GABBR2: variants seen among roughly 807,000 people sequenced by gnomAD.
The protein encoded by GABBR2 is gamma-aminobutyric acid type B receptor subunit 2.
A neutral mutation model predicts 105.6 loss-of-function variants in GABBR2; 23 were observed. The observed-to-expected ratio is 0.22, with a 90% confidence interval of 0.16 to 0.31. The LOEUF (loss-of-function observed/expected upper bound fraction) is 0.31. Among genes scored for constraint, GABBR2 ranks in the 10% least tolerant of loss-of-function variants. The pLI is 1.00. For missense variants in GABBR2, 734 were observed against 1,245.5 expected (o/e 0.59, Z 6.18); for synonymous variants, 478 against 499.7 (o/e 0.96, Z 0.58).
At position 98,461,710 on chromosome 9, in the gene GABBR2, TAAAG is replaced by T. The variant is rs1186276055; in HGVS notation, c.1000-7497_1000-7494del. 2.0e-5 allele frequency among the ~76,000 whole-genome samples: 3 copies of T among 152,286 alleles called. No individual in the cohort carries two copies. In the East Asian group the frequency reaches 5.8e-4, roughly 29 times the overall value. ...GAAATACCTGAGACTAGATAATTTA[TAAAG>T]AAAGGAGGCTTAATTGGCTCATGAT... On this transcript the variant is annotated intron_variant, in intron 6 of 18. Transcript: ENST00000259455.
At chr9:98,492,660 T>C (rs1247090591) in intron 4 of GABBR2, among the ~76,000 whole-genome samples, 1 of 152,174 alleles carries the variant, frequency 6.6e-6, no homozygotes, top group Non-Finnish European at 1.5e-5. Flanking sequence ...GCTTTCTCTA[T>C]TTTTGATGAA....
At chr9:98,335,405 A>G (rs1184561852) in intron 13 of GABBR2, among the ~76,000 whole-genome samples, 2 of 152,064 alleles carry the variant, frequency 1.3e-5, no homozygotes, top group Non-Finnish European at 2.9e-5. Flanking sequence ...TCCTGAGTCT[A>G]TTTATCACCC....
chr9:98,506,074 A>C (rs566882138), intron 3 of GABBR2, among the ~76,000 whole-genome samples: 1 of 152,286 alleles, frequency 6.6e-6, no homozygotes, highest in South Asian at 2.1e-4. Flanking sequence ...TGTCCCAAAG[A>C]TATATGGTAT....
chr9:98,537,245 CATG>C (rs1243939978), intron 3 of GABBR2, among the ~76,000 whole-genome samples: 1 of 152,224 alleles, frequency 6.6e-6, no homozygotes, highest in Non-Finnish European at 1.5e-5. Flanking sequence ...CATGCCACAG[CATG>C]ATGTGCCTCA....
At position 98,585,726 on chromosome 9, in the gene GABBR2, T is replaced by C. The variant is rs1829064162; in HGVS notation, c.322-7654A>G. ...GGATCTTATTCATGCCTCTCAATAT[T>C]ATTAAAAGGTATAGGCTGAGTATCC... On this transcript the variant is annotated intron_variant, in intron 1 of 18. Transcript: ENST00000259455. Among the ~76,000 whole-genome samples, 2 of 22,988 alleles carry C rather than the reference T, an allele frequency of 8.7e-5. 1 individual carries two copies. Among genetic ancestry groups the C allele is most frequent in the Admixed American group, 4.9e-4 (2 of 4,044 alleles). 15.1% of individuals were successfully genotyped at this position (22,988 alleles called of 152,430 possible).
intron 7 of GABBR2, among the ~76,000 whole-genome samples, chr9:98,426,220 C>A (rs1825682305): frequency 6.6e-6 from 1 of 152,224 alleles, no homozygotes; most frequent in African/African-American, 2.4e-5. Flanking sequence ...AAGAGAACAT[C>A]ATGTTGCTTT....
chr9:98,421,350 G>C (rs554343962), intron 7 of GABBR2, among the ~76,000 whole-genome samples: 3 of 150,726 alleles, frequency 2.0e-5, no homozygotes, highest in Admixed American at 2.0e-4. Flanking sequence ...AAATCGACGA[G>C]GAACAGGAAA....
rs1408962801 is a variant in GABBR2, at chr9:98,648,084, T to TGGGG, written c.321+60332_321+60333insCCCC. ...TTTCTATCATTAATCATACAGGGTG[T>TGGGG]GTGTGTGTGTGTGTGTGTGTGTGTG... On this transcript the variant is annotated intron_variant, in intron 1 of 18. Transcript: ENST00000259455. Among the ~76,000 whole-genome samples, 13 of 78,616 alleles carry TGGGG rather than the reference T, an allele frequency of 1.7e-4. No homozygotes were observed. In the South Asian group the frequency reaches 1.8e-3, roughly 11 times the overall value. 51.6% of individuals were successfully genotyped at this position (78,616 alleles called of 152,430 possible).
intron 6 of GABBR2, among the ~76,000 whole-genome samples, chr9:98,466,054 C>T (rs957437850): frequency 6.6e-6 from 1 of 152,216 alleles, no homozygotes; most frequent in Admixed American, 6.5e-5. Flanking sequence ...CCTCCTGCTT[C>T]CTTCTGCTCC....
chr9:98,412,241 ACT>A (rs1832603807), intron 7 of GABBR2, among the ~76,000 whole-genome samples: 1 of 152,182 alleles, frequency 6.6e-6, no homozygotes, highest in Admixed American at 6.5e-5. Context: ...GCGTGAAGCT[ACT>A]CTGAGTGAAG....
intron 2 of GABBR2, among the ~76,000 whole-genome samples, chr9:98,570,967 G>A (rs572962570): frequency 3.9e-5 from 6 of 152,324 alleles, no homozygotes; most frequent in Middle Eastern, 3.4e-3. Flanking sequence ...CAGCAAATAC[G>A]CCCTGAGCAC....
intron 9 of GABBR2, among the ~76,000 whole-genome samples, chr9:98,391,369 T>C (rs2131500760): frequency 6.6e-6 from 1 of 152,306 alleles, no homozygotes; most frequent in Non-Finnish European, 1.5e-5. Flanking sequence ...AGGTGTTAAG[T>C]GGCTCTTACA....
intron 11 of GABBR2, among the ~76,000 whole-genome samples, chr9:98,378,436 G>A (rs1454621255): frequency 6.6e-6 from 1 of 152,212 alleles, no homozygotes; most frequent in Non-Finnish European, 1.5e-5. Flanking sequence ...CAGCCCAGGA[G>A]CTCCTTCCCT....
chr9:98,426,454 G>A (rs560517960), intron 7 of GABBR2, among the ~76,000 whole-genome samples: 1 of 152,326 alleles, frequency 6.6e-6, no homozygotes, highest in East Asian at 1.9e-4. Context: ...CAGTCTCCCA[G>A]GCTCTCCTGG....
At chr9:98,460,869 G>A (rs1376821651) in intron 6 of GABBR2, among the ~76,000 whole-genome samples, 2 of 151,982 alleles carry the variant, frequency 1.3e-5, no homozygotes, top group Admixed American at 1.3e-4. Flanking sequence ...AACTGCCAAA[G>A]ACCAAATCAA....
At chr9:98,554,921 T>C (rs1347184267) in intron 2 of GABBR2, among the ~76,000 whole-genome samples, 2 of 152,166 alleles carry the variant, frequency 1.3e-5, no homozygotes, top group Non-Finnish European at 2.9e-5. Context: ...GAATGCTGGG[T>C]TTCAGTTTGG....
At chr9:98,426,975 C>A (rs1674788750) in intron 7 of GABBR2, among the ~76,000 whole-genome samples, 1 of 152,158 alleles carries the variant, frequency 6.6e-6, no homozygotes, top group South Asian at 2.1e-4. Flanking sequence ...TGTACTCCAG[C>A]CTGCGTGACA....
At chr9:98,358,565 T>C (rs1831528370) in intron 13 of GABBR2, among the ~76,000 whole-genome samples, 1 of 152,200 alleles carries the variant, frequency 6.6e-6, no homozygotes, top group African/African-American at 2.4e-5. Context: ...TCCTAACTGC[T>C]CTAAGGGGTC....
Position 98,708,687 on chromosome 9 carries a change from T to C in GABBR2, c.51A>G (p.Pro17=), listed in dbSNP as rs893078508. Residue 17 remains proline (P), a synonymous_variant, in exon 1 of 19, where the codon CCA becomes CCG. Coordinates refer to ENST00000259455, the MANE Select transcript of GABBR2 (RefSeq NM_005458.8). Reference sequence around the variant, plus strand: ...GCAGTAGCAGGCGCGCGGGCGGCGGTGGCGGCGGCGGCGGCGGCCCGGGCT... The same window carrying C: ...GCAGTAGCAGGCGCGCGGGCGGCGGCGGCGGCGGCGGCGGCGGCCCGGGCT... The part of the protein sequence containing the change: ...SGQPGPPPPP[P]PPPARLLLLL... 127 of 1,066,010 alleles carry C rather than the reference T, an allele frequency of 1.2e-4. No homozygotes were observed. The highest frequency in any genetic ancestry group is 1.2e-3 in the African/African-American group (69 of 58,188). 66.0% of individuals were successfully genotyped at this position (1,066,010 alleles called of 1,614,324 possible).
Sources: gnomAD v4.1 joint callset for allele counts (sites outside exome capture counted in the v4.1 genomes callset) on GRCh38, gnomAD v4.1.1 for gene constraint, MANE v1.5 for transcripts, NCBI Gene and HGNC (gene_info 2026-07-23, HGNC 2026-07-21) for gene names.